Variants in LAMA1 observed in about 807,000 individuals in gnomAD.
The protein encoded by LAMA1 is laminin subunit alpha 1, also known as laminin subunit alpha-1.
A neutral mutation model predicts 348.7 loss-of-function variants in LAMA1; 219 were observed. The ratio of observed to expected loss-of-function variants is 0.63; its 90% CI spans 0.56 to 0.70. The LOEUF is 0.70. Among genes scored for constraint, LAMA1 ranks in the 30% least tolerant of loss-of-function variants. LAMA1 has a pLI of 0.00. For missense variants in LAMA1, 3,744 were observed against 3,888.0 expected (o/e 0.96, Z 0.99); for synonymous variants, 1,487 against 1,491.0 (o/e 1.00, Z 0.06).
At chr18:6,945,763 G>A (rs898514352) in intron 61 of LAMA1, among the ~76,000 whole-genome samples, 1 of 152,058 alleles carries the variant, frequency 6.6e-6, no homozygotes, top group Non-Finnish European at 1.5e-5. Context: ...TGAAATGGAC[G>A]CTGGCCAAAC....
intron 1 of LAMA1, among the ~76,000 whole-genome samples, chr18:7,085,608 T>G (rs7235921): frequency 6.6e-6 from 1 of 151,490 alleles, no homozygotes; most frequent in Non-Finnish European, 1.5e-5. Context: ...TTAGTAGAGA[T>G]GGGGTTTCAC....
chr18:6,984,269 T>C (rs1355791857), intron 39 of LAMA1, among the ~76,000 whole-genome samples: 3 of 152,228 alleles, frequency 2.0e-5, no homozygotes, highest in Non-Finnish European at 4.4e-5. Context: ...TAATCTTTTA[T>C]GTCAGCATTT....
intron 1 of LAMA1, among the ~76,000 whole-genome samples, chr18:7,091,855 A>G (rs995130439): frequency 1.3e-5 from 2 of 152,230 alleles, no homozygotes; most frequent in African/African-American, 2.4e-5. Context: ...AGTACCTCCG[A>G]TCAAATCATT....
In LAMA1 at chr18:7,014,263, G is replaced by A. The variant is rs537240504; in HGVS notation, c.3127-212C>T. Among the ~76,000 whole-genome samples, 4 of 152,248 alleles carry A rather than the reference G, an allele frequency of 2.6e-5. No homozygotes were observed. The East Asian group carries it at 7.7e-4, about 29-fold the overall frequency. ...ATCTGTGCATCTTAGTGGCACATGC[G>A]CACGGGGCCAGAATTGTGAACTGAA... On this transcript the variant is annotated intron_variant, in intron 22 of 62. Transcript: ENST00000389658.
At chr18:6,964,066 T>G (rs960545170) in intron 51 of LAMA1, 2 of 154,736 alleles carry the variant, frequency 1.3e-5, no homozygotes, top group African/African-American at 2.4e-5. Flanking sequence ...CTAAAATGTC[T>G]AGAGAGAGGG....
At chr18:6,987,210 G>T (rs1275388613) in intron 36 of LAMA1, among the ~76,000 whole-genome samples, 1 of 152,112 alleles carries the variant, frequency 6.6e-6, no homozygotes, top group Non-Finnish European at 1.5e-5. Context: ...TTTAGTAATG[G>T]AATTAAAAAA....
rs779710896 is a variant in LAMA1, at chr18:7,117,705, G to C, written c.16C>G (p.Leu6Val). 3.0e-5 allele frequency: 48 copies of C among 1,598,102 alleles called. No individual in the cohort carries two copies. Among genetic ancestry groups the C allele is most frequent in the Non-Finnish European group, 4.1e-5 (48 of 1,178,354 alleles). Residue 6 changes from leucine (L) to valine (V), a missense_variant, in exon 1 of 63, where the codon CTC becomes GTC. By Grantham distance (32) the Leu-to-Val change is conservative. Coordinates refer to ENST00000389658, the MANE Select transcript of LAMA1 (RefSeq NM_005559.4). Reference sequence around the variant, plus strand: ...GCGACACACAGCAGCAAGACCAGGAGCACGCCCCCGCGCATCTCGCCTCCG... The same window carrying C: ...GCGACACACAGCAGCAAGACCAGGACCACGCCCCCGCGCATCTCGCCTCCG... MRGGV[L>V]LVLLLCVAAQ...
In LAMA1 at chr18:6,965,338, T is replaced by C. The variant is rs746306328; in HGVS notation, c.7145A>G (p.Tyr2382Cys). 12 of 1,614,248 alleles carry C rather than the reference T, an allele frequency of 7.4e-6. No individual in the cohort carries two copies. In the East Asian group the frequency reaches 2.2e-4, roughly 30 times the overall value. Residue 2382 changes from tyrosine to cysteine, a missense_variant, in exon 50 of 63, where the codon TAT (tyrosine) becomes TGT (cysteine). Tyr to Cys is a radical substitution (Grantham distance 194). Transcript: ENST00000389658. The stretch of plus-strand genomic sequence containing the variant: ...AATTTTGTACCAGGTTCCATTGTTA[T>C]AACGTCTGTCTGTCAAAAGGGTAAT... ...GPITLLTDRR[Y>C]NNGTWYKIAF...
intron 1 of LAMA1, among the ~76,000 whole-genome samples, chr18:7,103,298 G>C (rs61022266): frequency 6.6e-6 from 1 of 152,052 alleles, no homozygotes; most frequent in Non-Finnish European, 1.5e-5. Context: ...CCAGCTACTC[G>C]GGAGGCTGAG....
rs1283779125 is a variant in LAMA1, at chr18:6,950,910, G to A, written c.8269C>T (p.His2757Tyr). 8.7e-6 allele frequency: 14 copies of A among 1,614,026 alleles called. No homozygotes were observed. The highest frequency in any genetic ancestry group is 4.5e-5 in the East Asian group (2 of 44,886). The change falls in exon 58 of 63, where the codon CAT (histidine) becomes TAT (tyrosine). Residue 2757 changes from histidine to tyrosine, a missense_variant. By Grantham distance (83) the His-to-Tyr change is moderately conservative. Transcript: ENST00000389658. Reference protein sequence around the residue: ...ASSGLIYYMAHQNQADYAVLQ... With the variant: ...ASSGLIYYMAYQNQADYAVLQ... Reference sequence around the variant, plus strand: ...ACAGCGTAGTCTGCTTGGTTCTGATGAGCCATGTAGTAAATCAGGCCGCTG... The same window carrying A: ...ACAGCGTAGTCTGCTTGGTTCTGATAAGCCATGTAGTAAATCAGGCCGCTG...
intron 48 of LAMA1, 52 bp downstream of exon 48, chr18:6,971,805 T>G: frequency 6.2e-7 from 1 of 1,612,460 alleles, no homozygotes. Context: ...TCAGCACTTC[T>G]CAGATGTTAA....
rs752960854 is a variant in LAMA1 at position 6,965,248 on chromosome 18, G to A, written c.7195+40C>T. Reference sequence around the variant, plus strand: ...ATTTTGAAAAGATTTCTATTCTTATGAGGGTGACCGACATCTGGTGAGTCC... The same window carrying A: ...ATTTTGAAAAGATTTCTATTCTTATAAGGGTGACCGACATCTGGTGAGTCC... On this transcript the variant is annotated intron_variant, in intron 50 of 62. Coordinates refer to ENST00000389658, the MANE Select transcript of LAMA1 (RefSeq NM_005559.4). 6.2e-6 allele frequency: 10 copies of A among 1,613,318 alleles called. No individual in the cohort carries two copies. In the Admixed American group the frequency reaches 1.7e-4, roughly 27 times the overall value.
chr18:7,011,612 C>T (rs971548550), intron 24 of LAMA1, 133 bp from the exon 25 acceptor site: 2 of 967,686 alleles, frequency 2.1e-6, no homozygotes, highest in African/African-American at 3.3e-5. Context: ...AAGACTTTTC[C>T]TTTAAACTAA....
intron 27 of LAMA1, 25 bp from the exon 28 acceptor site, chr18:7,008,633 G>C (rs760517301): frequency 1.1e-5 from 17 of 1,613,052 alleles, no homozygotes; most frequent in Non-Finnish European, 1.4e-5. Context: ...TGTTAAGAGA[G>C]GAAACGCTAA....
chr18:6,985,455 T>C, intron 38 of LAMA1, 55 bp from the exon 39 acceptor site: 1 of 1,600,522 alleles, frequency 6.2e-7, no homozygotes, highest in Non-Finnish European at 8.6e-7. Context: ...ATAACAGATA[T>C]GTGTGCATAT....
chr18:7,110,208 G>A (rs116387274), intron 1 of LAMA1, among the ~76,000 whole-genome samples: 6,442 of 150,964 alleles, frequency 0.043, 430 homozygotes, highest in African/African-American at 0.14. Flanking sequence ...AAAAAAAAGC[G>A]GCTAGTTACA....
Position 6,943,126 on chromosome 18 carries a change from C to T in LAMA1, c.9067+54G>A, listed in dbSNP as rs866749394. 11 of 1,496,630 alleles carry T rather than the reference C, an allele frequency of 7.3e-6. No individual in the cohort carries two copies. In the Middle Eastern group the frequency reaches 9.4e-4, roughly 128 times the overall value. The allele number at this position is 1,496,630 out of a possible 1,614,324, so 92.7% of individuals were successfully genotyped here. On this transcript the variant is annotated intron_variant, in intron 62 of 62. Coordinates refer to ENST00000389658, the MANE Select transcript of LAMA1 (RefSeq NM_005559.4). Reference sequence around the variant, plus strand: ...TATTCTACATCCACCTGAACCAAGACTTCCTCCAGGGACAGTGCCCCTTTT... The same window carrying T: ...TATTCTACATCCACCTGAACCAAGATTTCCTCCAGGGACAGTGCCCCTTTT...
At chr18:7,085,413 C>CTTTTTTTTTTT (rs36122063) in intron 1 of LAMA1, among the ~76,000 whole-genome samples, 23 of 85,270 alleles carry the variant, frequency 2.7e-4, no homozygotes, top group South Asian at 4.5e-4. Flanking sequence ...TCTTCTTCTT[C>CTTTTTTTTTTT]TTTTTTTTTT....
intron 45 of LAMA1, 78 bp downstream of exon 45, chr18:6,975,859 G>C: frequency 1.3e-6 from 2 of 1,553,820 alleles, no homozygotes; most frequent in Non-Finnish European, 1.8e-6. Context: ...TTTTTTTTTC[G>C]TCAAATAAGT....
Sources: gnomAD v4.1 joint callset for allele counts (sites outside exome capture counted in the v4.1 genomes callset) on GRCh38, gnomAD v4.1.1 for gene constraint, MANE v1.5 for transcripts, NCBI Gene and HGNC (gene_info 2026-07-23, HGNC 2026-07-21) for gene names.